The following ANKRD11 variants were observed in gnomAD, a reference collection of about 807,000 sequenced individuals.
ANKRD11 encodes ankyrin repeat domain-containing protein 11.
ANKRD11 carries 17 observed loss-of-function variants against 195.7 expected under a neutral mutation model. The ratio of observed to expected loss-of-function variants is 0.09; its 90% CI spans 0.06 to 0.13. The LOEUF (loss-of-function observed/expected upper bound fraction) is 0.13, where lower values mean the gene tolerates loss of function less well. Among genes scored for constraint, ANKRD11 ranks in the 10% least tolerant of loss-of-function variants. ANKRD11 has a pLI of 1.00. For synonymous variants in ANKRD11, 1,953 were observed against 1,528.1 expected, an observed-to-expected ratio of 1.28 and a Z score of -6.49; for missense variants, 3,735 against 3,566.1, an observed-to-expected ratio of 1.05 and a Z score of -1.21.
chr16:89,335,429 C>T (rs189286623), intron 2 of ANKRD11, among the ~76,000 whole-genome samples: 153 of 152,298 alleles, frequency 1.0e-3, no homozygotes, highest in African/African-American at 3.3e-3. Context: ...GGGTCTCTGC[C>T]GTCCTGAGCT....
chr16:89,469,218 T>C (rs2056986315), intron 1 of ANKRD11, among the ~76,000 whole-genome samples: 1 of 152,080 alleles, frequency 6.6e-6, no homozygotes, highest in Non-Finnish European at 1.5e-5. Context: ...AAGCCTGTGA[T>C]ATCCACTCTT....
chr16:89,476,802 T>C (rs905618870), intron 1 of ANKRD11, among the ~76,000 whole-genome samples: 12 of 151,814 alleles, frequency 7.9e-5, no homozygotes, highest in African/African-American at 2.9e-4. Context: ...AATCTGGTTC[T>C]CTCAGAGGCA....
intron 2 of ANKRD11, among the ~76,000 whole-genome samples, chr16:89,318,626 G>C (rs1263683296): frequency 6.6e-6 from 1 of 152,214 alleles, no homozygotes; most frequent in Non-Finnish European, 1.5e-5. Flanking sequence ...TAAAGGATAC[G>C]TTGCATGCCA....
At position 89,380,928 on chromosome 16, in the gene ANKRD11, C is replaced by A. The variant is rs547692442; in HGVS notation, c.-60+37356G>T. 2.0e-5 allele frequency among the ~76,000 whole-genome samples: 3 copies of A among 152,300 alleles called. No individual in the cohort carries two copies. The South Asian group carries it at 6.2e-4, about 32-fold the overall frequency. ...ACAGCTGAGGCAGGCAGACGGAGCA[C>A]GCATCCCTGCTTCCCAGTGTGGGCC... On this transcript the variant is annotated intron_variant, in intron 2 of 12. Transcript: ENST00000301030.
chr16:89,477,045 C>T (rs780728051), intron 1 of ANKRD11, among the ~76,000 whole-genome samples: 7 of 152,178 alleles, frequency 4.6e-5, no homozygotes, highest in South Asian at 2.1e-4. Context: ...TAAAAGCAGA[C>T]GGAGTAAGAA....
intron 2 of ANKRD11, among the ~76,000 whole-genome samples, chr16:89,348,563 G>A (rs547347881): frequency 1.3e-5 from 2 of 152,296 alleles, no homozygotes; most frequent in African/African-American, 4.8e-5. Flanking sequence ...GACCAAGTCA[G>A]TCATCCGGGA....
chr16:89,295,348 T>C (rs2035345043), intron 4 of ANKRD11, among the ~76,000 whole-genome samples: 1 of 151,862 alleles, frequency 6.6e-6, no homozygotes, highest in Admixed American at 6.5e-5. Context: ...CTGTGTCCGC[T>C]GACCTGAGCC....
chr16:89,336,736 C>T (rs541294725), intron 2 of ANKRD11, among the ~76,000 whole-genome samples: 1 of 152,286 alleles, frequency 6.6e-6, no homozygotes, highest in South Asian at 2.1e-4. Flanking sequence ...CCACTCTCTA[C>T]CTATCTGCTT....
At chr16:89,305,023 T>A in intron 4 of ANKRD11, 183 bp downstream of exon 4, 1 of 896,410 alleles carries the variant, frequency 1.1e-6, no homozygotes, top group Non-Finnish European at 1.7e-6. Flanking sequence ...GAGCCTCGGG[T>A]GCAAAGGAGG....
chr16:89,372,190 G>A lies in ANKRD11; in HGVS notation c.-60+46094C>T, dbSNP rs192447599. Among the ~76,000 whole-genome samples the A allele has an allele frequency of 3.0e-4, 46 of 152,342 alleles. 1 individual carries two copies. The highest frequency in any genetic ancestry group is 9.6e-4 in the African/African-American group (40 of 41,574). ...GCCCACTCCCAGGAGGAAAAGCAGC[G>A]GCAGCGCACGGCAAGATGGATCCTG... On this transcript the variant is annotated intron_variant, in intron 2 of 12. Coordinates refer to ENST00000301030, the MANE Select transcript of ANKRD11 (RefSeq NM_013275.6).
intron 2 of ANKRD11, among the ~76,000 whole-genome samples, chr16:89,415,658 T>C (rs1461115139): frequency 1.3e-5 from 2 of 150,306 alleles, no homozygotes; most frequent in Admixed American, 6.6e-5. Context: ...TGAAACCCTA[T>C]CTCTACTAAA....
intron 2 of ANKRD11, among the ~76,000 whole-genome samples, chr16:89,339,641 A>C (rs1171867827): frequency 6.6e-6 from 1 of 152,216 alleles, no homozygotes; most frequent in Non-Finnish European, 1.5e-5. Context: ...AGCAATAGCT[A>C]ATGTTTCCTT....
chr16:89,384,494 G>T (rs1172446899), intron 2 of ANKRD11, among the ~76,000 whole-genome samples: 1 of 152,044 alleles, frequency 6.6e-6, no homozygotes, highest in African/African-American at 2.4e-5. Context: ...GGACGAGATG[G>T]AAATGGGACA....
At chr16:89,436,281 G>A (rs959141894) in intron 1 of ANKRD11, among the ~76,000 whole-genome samples, 6 of 152,024 alleles carry the variant, frequency 3.9e-5, no homozygotes, top group African/African-American at 1.4e-4. Context: ...GGGCGTGATG[G>A]CTCAGAACCT....
At chr16:89,359,617 C>T (rs1223545272) in intron 2 of ANKRD11, among the ~76,000 whole-genome samples, 2 of 152,210 alleles carry the variant, frequency 1.3e-5, no homozygotes, top group Non-Finnish European at 2.9e-5. Flanking sequence ...TGGCACAGAG[C>T]TGCTCATTTC....
intron 1 of ANKRD11, among the ~76,000 whole-genome samples, chr16:89,484,989 C>A (rs2057558133): frequency 6.6e-6 from 1 of 152,160 alleles, no homozygotes; most frequent in Non-Finnish European, 1.5e-5. Context: ...GACAGCAGCA[C>A]CCTGACAGCT....
Position 89,281,350 on chromosome 16 carries a change from T to A in ANKRD11, c.5192A>T (p.Asp1731Val). ...GCAGTCGAACACGAGGTCCGCGTAG[T>A]CATCGGCGCTGCAGGACGGGGTCCT... is the stretch of plus-strand genomic sequence containing the variant. The part of the protein sequence containing the change: ...TPRTPSCSAD[D>V]YADLVFDCAD... Residue 1731 changes from aspartate (D) to valine (V), a missense_variant, in exon 9 of 13, where the codon GAC (aspartate) becomes GTC (valine). Asp to Val is a radical substitution (Grantham distance 152). Coordinates refer to ENST00000301030, the MANE Select transcript of ANKRD11 (RefSeq NM_013275.6). The surrounding 1 kb of genome is among the most constrained non-coding windows in gnomAD (Gnocchi z 5.5). 6.2e-7 allele frequency: 1 copy of A among 1,611,716 alleles called. No individual in the cohort carries two copies. The highest frequency in any genetic ancestry group is 8.5e-7 in the Non-Finnish European group (1 of 1,178,178).
intron 1 of ANKRD11, among the ~76,000 whole-genome samples, chr16:89,428,889 A>G (rs575871392): frequency 1.3e-5 from 2 of 152,250 alleles, no homozygotes; most frequent in Admixed American, 1.3e-4. Context: ...GCAAGACTCC[A>G]CCTCAAAAAA....
At position 89,280,972 on chromosome 16, in the gene ANKRD11, A is replaced by G; in HGVS notation, c.5570T>C (p.Leu1857Pro). Residue 1857 changes from leucine (L) to proline (P), a missense_variant, in exon 9 of 13, where the codon CTC (leucine) becomes CCC (proline). Coordinates refer to ENST00000301030, the MANE Select transcript of ANKRD11 (RefSeq NM_013275.6). Reference protein sequence around the residue: ...SPGYYSPDYGLPSPKVDALHC... With the variant: ...SPGYYSPDYGPPSPKVDALHC... ...CAAAGCGTCGACTTTGGGCGACGGGAGGCCATAGTCTGGGGAGTAGTACCC... is the reference window on the plus strand; with the variant it reads ...CAAAGCGTCGACTTTGGGCGACGGGGGGCCATAGTCTGGGGAGTAGTACCC... The G allele has an allele frequency of 6.4e-7, 1 of 1,570,990 alleles. No homozygotes were observed. Among genetic ancestry groups the G allele is most frequent in the Non-Finnish European group, 8.7e-7 (1 of 1,155,694 alleles).
Sources: gnomAD v4.1 joint callset for allele counts (sites outside exome capture counted in the v4.1 genomes callset) on GRCh38, gnomAD v4.1.1 for gene constraint, Gnocchi (gnomAD v3.1) non-coding constraint, MANE v1.5 for transcripts, NCBI Gene and HGNC (gene_info 2026-07-23, HGNC 2026-07-21) for gene names.